TOGARAM2: variants seen among roughly 807,000 people sequenced by gnomAD.
TOGARAM2 encodes TOG array regulator of axonemal microtubules 2.
TOGARAM2 carries 85 observed loss-of-function variants against 93.3 expected under a neutral mutation model. The observed-to-expected ratio is 0.91, with a 90% confidence interval of 0.76 to 1.09. The LOEUF is 1.09. TOGARAM2 is among the 50% of genes least tolerant of loss of function. The probability of loss-of-function intolerance (pLI) is 0.00; values close to 1 mark genes in which losing one functional copy is unlikely to be tolerated. For missense variants in TOGARAM2, 1,277 were observed against 1,334.5 expected (o/e 0.96, Z 0.67); for synonymous variants, 593 against 552.8 (o/e 1.07, Z -1.02).
intron 1 of TOGARAM2, among the ~76,000 whole-genome samples, chr2:28,975,963 A>G (rs1672020494): frequency 5.4e-5 from 1 of 18,496 alleles, no homozygotes. Flanking sequence ...CAATATATGT[A>G]CAGGAATATG....
intron 11 of TOGARAM2, among the ~76,000 whole-genome samples, chr2:29,022,586 A>G (rs1194336812): frequency 6.6e-6 from 1 of 152,212 alleles, no homozygotes; most frequent in African/African-American, 2.4e-5. Flanking sequence ...CAGGCATGGC[A>G]AGGATGCATT....
intron 1 of TOGARAM2, among the ~76,000 whole-genome samples, chr2:28,989,849 A>G (rs890421607): frequency 1.3e-5 from 2 of 152,262 alleles, no homozygotes; most frequent in Non-Finnish European, 2.9e-5. Context: ...GGGCTCAGAG[A>G]AGTTTAGCAA....
intron 18 of TOGARAM2, among the ~76,000 whole-genome samples, chr2:29,037,232 G>A (rs991732730): frequency 2.0e-5 from 3 of 152,168 alleles, no homozygotes; most frequent in Non-Finnish European, 4.4e-5. Context: ...CTTGCTTCTG[G>A]AACGTTAAGG....
rs113849021 is a variant in TOGARAM2 at position 29,000,372 on chromosome 2, G to A, written c.427+904G>A. ...TCACTGGCTCTGGGGCCTTGGGCAGGTCGGTAACATTTCAGGCCTCGATTT... is the reference window on the plus strand; with the variant it reads ...TCACTGGCTCTGGGGCCTTGGGCAGATCGGTAACATTTCAGGCCTCGATTT... On this transcript the variant is annotated intron_variant, in intron 4 of 19. Coordinates refer to ENST00000379558, the MANE Select transcript of TOGARAM2 (RefSeq NM_199280.4). Among the ~76,000 whole-genome samples the A allele has an allele frequency of 6.1e-3, 926 of 152,238 alleles. 10 individuals are homozygous for A. Among genetic ancestry groups the A allele is most frequent in the African/African-American group, 0.021 (876 of 41,534 alleles).
intron 4 of TOGARAM2, 59 bp downstream of exon 4, chr2:28,999,527 C>T: frequency 6.7e-7 from 1 of 1,498,610 alleles, no homozygotes; most frequent in Non-Finnish European, 8.9e-7. Context: ...GGGCCGCAGG[C>T]CTCCAGGGCT....
At position 29,035,480 on chromosome 2, in the gene TOGARAM2, C is replaced by G; in HGVS notation, c.2242C>G (p.Pro748Ala). 6.9e-7 allele frequency: 1 copy of G among 1,455,588 alleles called. No individual in the cohort carries two copies. The highest frequency in any genetic ancestry group is 9.1e-7 in the Non-Finnish European group (1 of 1,096,504). The allele number at this position is 1,455,588 out of a possible 1,614,324, so 90.2% of individuals were successfully genotyped here. Residue 748 changes from proline (P) to alanine (A), a missense_variant, in exon 17 of 20, where the codon CCA becomes GCA. Transcript: ENST00000379558. ...PIKEGLSCNG[P>A]RLVGLRSTLQ... Reference sequence around the variant, plus strand: ...CTTACCTAGGCTCAGCTGCAATGGCCCAAGGCTGGTGGGGCTGCGCTCCAC... The same window carrying G: ...CTTACCTAGGCTCAGCTGCAATGGCGCAAGGCTGGTGGGGCTGCGCTCCAC...
chr2:29,017,490 TC>T (rs1463771598), intron 9 of TOGARAM2, among the ~76,000 whole-genome samples, 186 bp downstream of exon 9: 9 of 152,180 alleles, frequency 5.9e-5, no homozygotes, highest in Non-Finnish European at 1.2e-4. Flanking sequence ...CACCACAGCC[TC>T]AAACTCTTGG....
chr2:28,975,441 G>C (rs374691474), intron 1 of TOGARAM2, among the ~76,000 whole-genome samples: 10 of 152,102 alleles, frequency 6.6e-5, no homozygotes, highest in African/African-American at 2.2e-4. Context: ...GCCCGCCTCG[G>C]CCTCCCAAAG....
At chr2:28,965,098 TC>T in intron 1 of TOGARAM2, among the ~76,000 whole-genome samples, 2 of 152,302 alleles carry the variant, frequency 1.3e-5, no homozygotes, top group South Asian at 4.1e-4. Flanking sequence ...TAATTTACAT[TC>T]CCACCGACAG....
chr2:28,973,745 C>A (rs1344377155), intron 1 of TOGARAM2, among the ~76,000 whole-genome samples: 1 of 151,954 alleles, frequency 6.6e-6, no homozygotes, highest in Non-Finnish European at 1.5e-5. Flanking sequence ...CCAGGCTGGT[C>A]TCAAACTCCT....
intron 1 of TOGARAM2, among the ~76,000 whole-genome samples, chr2:28,994,009 A>G (rs1672867631): frequency 6.6e-6 from 1 of 152,232 alleles, no homozygotes; most frequent in African/African-American, 2.4e-5. Flanking sequence ...CTGTCAGGGG[A>G]AAACGGGTCA....
Position 29,052,037 on chromosome 2 carries a change from G to A in TOGARAM2, c.3004G>A (p.Gly1002Arg). ...AGGCAGCCGCAAGGCCACTGACAGA[G>A]GGGTGGCCCCTGACAGCAAGACAAC... is the stretch of plus-strand genomic sequence containing the variant. ...LGGSRKATDR[G>R]VAPDSKTTGS... Residue 1002 changes from glycine to arginine, a missense_variant, in exon 20 of 20, where the codon GGG (glycine) becomes AGG (arginine). By Grantham distance (125) the Gly-to-Arg change is moderately radical. Transcript: ENST00000379558. The A allele has an allele frequency of 6.2e-7, 1 of 1,609,554 alleles. No homozygotes were observed. The highest frequency in any genetic ancestry group is 1.7e-5 in the Admixed American group (1 of 59,930).
intron 7 of TOGARAM2, among the ~76,000 whole-genome samples, chr2:29,011,945 C>T (rs956679541): frequency 5.3e-5 from 8 of 152,166 alleles, no homozygotes; most frequent in African/African-American, 1.7e-4. Flanking sequence ...GTGTGTTAAG[C>T]AAGTAGAGAG....
At chr2:29,042,501 G>T (rs1321970639) in intron 18 of TOGARAM2, among the ~76,000 whole-genome samples, 1 of 152,222 alleles carries the variant, frequency 6.6e-6, no homozygotes, top group Non-Finnish European at 1.5e-5. Context: ...TCCAGCTCAT[G>T]CTGAGGTCTG....
In TOGARAM2 at chr2:29,023,194, G is replaced by A. The variant is rs1665086629; in HGVS notation, c.1617+3G>A. On this transcript the variant is annotated splice_donor_region_variant and intron_variant, in intron 12 of 19. Transcript: ENST00000379558. ...TGTGCTTGGTGGTGACTGGGGAGGTGAGGCCCCCCAGCCTGTGTGCTGTGC... is the reference window on the plus strand; with the variant it reads ...TGTGCTTGGTGGTGACTGGGGAGGTAAGGCCCCCCAGCCTGTGTGCTGTGC... 1 of 1,577,402 alleles carries A rather than the reference G, an allele frequency of 6.3e-7. No individual in the cohort carries two copies. Among genetic ancestry groups the A allele is most frequent in the Non-Finnish European group, 8.6e-7 (1 of 1,161,168 alleles).
intron 1 of TOGARAM2, among the ~76,000 whole-genome samples, chr2:28,988,261 T>C (rs1672556255): frequency 6.6e-6 from 1 of 152,194 alleles, no homozygotes; most frequent in Non-Finnish European, 1.5e-5. Flanking sequence ...TTGGTTCTTC[T>C]AAAGTCAGAA....
Position 29,011,469 on chromosome 2 carries a change from G to A in TOGARAM2, c.845G>A (p.Ser282Asn). The A allele has an allele frequency of 6.2e-7, 1 of 1,608,150 alleles. No individual in the cohort carries two copies. Among genetic ancestry groups the A allele is most frequent in the Middle Eastern group, 1.7e-4 (1 of 6,026 alleles). The change falls in exon 7 of 20, where the codon AGT becomes AAT. Residue 282 changes from serine (S) to asparagine (N), a missense_variant. Ser to Asn is a conservative substitution (Grantham distance 46, BLOSUM62 1). Transcript: ENST00000379558. ...GTTCTTTTAAGATTGGCTCGGGGGA[G>A]TGGGCCTCGGGAGAAGACCCCTGCA... Reference protein sequence around the residue: ...RAPRTRLARGSGPREKTPASL... With the variant: ...RAPRTRLARGNGPREKTPASL...
intron 6 of TOGARAM2, among the ~76,000 whole-genome samples, chr2:29,006,090 T>G (rs370862522): frequency 5.0e-5 from 4 of 80,472 alleles, no homozygotes; most frequent in African/African-American, 1.4e-4. Flanking sequence ...CGTGTGTGTG[T>G]GTGGGGTGCA....
intron 6 of TOGARAM2, among the ~76,000 whole-genome samples, chr2:29,009,832 T>C (rs1664114900): frequency 6.6e-6 from 1 of 150,768 alleles, no homozygotes; most frequent in African/African-American, 2.4e-5. Context: ...GTGGGTTTTC[T>C]GTGAGGTTCG....
Sources: gnomAD v4.1 joint callset for allele counts (sites outside exome capture counted in the v4.1 genomes callset) on GRCh38, gnomAD v4.1.1 for gene constraint, MANE v1.5 for transcripts, NCBI Gene and HGNC (gene_info 2026-07-23, HGNC 2026-07-21) for gene names.